PSG7: variants seen among roughly 807,000 people sequenced by gnomAD.
PSG7 encodes the protein pregnancy-specific beta-1-glycoprotein 7.
Under a neutral mutation model 45.6 loss-of-function variants are expected in PSG7, and 57 were observed. The observed-to-expected ratio is 1.25, with a 90% CI of 1.01 to 1.56. PSG7 has a LOEUF of 1.56. Ranked by LOEUF, PSG7 falls within the 40% of genes most tolerant of loss-of-function variation. The pLI, the probability that PSG7 is intolerant of heterozygous loss-of-function variation, is 0.00. For missense variants in PSG7, 796 were observed against 508.4 expected (o/e 1.57, Z -5.44); for synonymous variants, 298 against 194.4 (o/e 1.53, Z -4.43).
chr19:42,926,136 G>T, intron 4 of PSG7, 109 bp from the exon 5 acceptor site: 1 of 1,505,316 alleles, frequency 6.6e-7, no homozygotes, highest in South Asian at 1.3e-5. Context: ...ACCCTCAAGT[G>T]ACAGCCAAAT....
chr19:42,928,187 T>C (rs1409236139), intron 3 of PSG7, among the ~76,000 whole-genome samples: 1 of 151,648 alleles, frequency 6.6e-6, no homozygotes. Context: ...GAAAGGCTGA[T>C]TGCTATTTTC....
At chr19:42,929,906 G>A (rs1329444956) in intron 2 of PSG7, among the ~76,000 whole-genome samples, 186 bp from the exon 3 acceptor site, 4 of 151,550 alleles carry the variant, frequency 2.6e-5, no homozygotes, top group Non-Finnish European at 5.9e-5. Flanking sequence ...GAGGCTGCCT[G>A]CTTTATGTGG....
chr19:42,936,637 T>C (rs537911592), intron 1 of PSG7: 1 of 212,600 alleles, frequency 4.7e-6, no homozygotes, highest in Admixed American at 5.4e-5. Context: ...CCTTCTTTCC[T>C]TTTTTTTCTT....
At chr19:42,934,903 A>G (rs769926022) in intron 2 of PSG7, among the ~76,000 whole-genome samples, 1 of 151,696 alleles carries the variant, frequency 6.6e-6, no homozygotes, top group Non-Finnish European at 1.5e-5. Flanking sequence ...CACAGTCCTC[A>G]GACAGCTGGA....
intron 2 of PSG7, among the ~76,000 whole-genome samples, chr19:42,933,237 A>T (rs1176983387): frequency 8.3e-6 from 1 of 120,686 alleles, no homozygotes; most frequent in Non-Finnish European, 1.7e-5. Context: ...GAGTCATTAA[A>T]ATCATTCTTT....
chr19:42,925,153 G>T, intron 5 of PSG7: 1 of 403,442 alleles, frequency 2.5e-6, no homozygotes, highest in Non-Finnish European at 4.4e-6. Context: ...TGACTTCAGA[G>T]TTTGCCTGCA....
In PSG7 at chr19:42,929,647, G is replaced by C. The variant is rs377557265; in HGVS notation, c.504C>G (p.Thr168=). The change falls in exon 3 of 6, where the codon ACC becomes ACG. Residue 168 remains threonine (T), a synonymous_variant. Coordinates refer to ENST00000406070, the MANE Select transcript of PSG7 (RefSeq NM_002783.3). The part of the protein sequence containing the change: ...PREATEAVIL[T]CDPETPDASY... ...TTGCATCTGGAGTCTCAGGATCACA[G>C]GTTAAAATCACAGCCTCCGTGGCCT... is the stretch of plus-strand genomic sequence containing the variant. The C allele has an allele frequency of 4.3e-6, 7 of 1,612,436 alleles. No homozygotes were observed. The highest frequency in any genetic ancestry group is 1.3e-5 in the African/African-American group (1 of 74,646).
At chr19:42,934,498 CTCAA>C (rs1303747215) in intron 2 of PSG7, among the ~76,000 whole-genome samples, 1 of 151,600 alleles carries the variant, frequency 6.6e-6, no homozygotes, top group Non-Finnish European at 1.5e-5. Flanking sequence ...TCAGTTTTCT[CTCAA>C]TCAAATAAGC....
chr19:42,928,075 C>A (rs1270521179), intron 3 of PSG7, among the ~76,000 whole-genome samples: 1 of 151,180 alleles, frequency 6.6e-6, no homozygotes, highest in Admixed American at 6.6e-5. Flanking sequence ...TATTCTTGCC[C>A]TTTTTTTTCT....
At chr19:42,929,216 A>C (rs1353448099) in intron 3 of PSG7, 1 of 1,041,312 alleles carries the variant, frequency 9.6e-7, no homozygotes, top group Non-Finnish European at 1.4e-6. Context: ...CTTCCATCAC[A>C]AGCTGTGGAC....
chr19:42,925,409 C>A (rs909092043), intron 5 of PSG7: 3 of 452,134 alleles, frequency 6.6e-6, no homozygotes, highest in African/African-American at 2.0e-5. Context: ...GTTTATTGAA[C>A]CACTATAAGC....
intron 1 of PSG7, 146 bp from the exon 2 acceptor site, chr19:42,935,915 A>C (rs12972343): frequency 0.023 from 6,862 of 295,204 alleles, 111 homozygotes; most frequent in African/African-American, 0.11. Flanking sequence ...CACACACACA[A>C]ACACACACAC....
chr19:42,929,753 G>A, intron 2 of PSG7, 33 bp from the exon 3 acceptor site: 1 of 1,599,692 alleles, frequency 6.3e-7, no homozygotes, highest in Non-Finnish European at 8.5e-7. Context: ...ATTGCCCTGT[G>A]TGGCACCTTT....
chr19:42,926,381 G>T (rs549052058), intron 4 of PSG7, 57 bp downstream of exon 4: 4 of 1,600,172 alleles, frequency 2.5e-6, no homozygotes, highest in Non-Finnish European at 3.4e-6. Flanking sequence ...CTGGTCGTTT[G>T]GAGTTAAGCT....
chr19:42,926,293 G>T (rs10405156), intron 4 of PSG7, 145 bp downstream of exon 4: 3 of 1,494,456 alleles, frequency 2.0e-6, no homozygotes, highest in Non-Finnish European at 2.7e-6. Flanking sequence ...TCCCAGGGCA[G>T]GGAGTCATGG....
At chr19:42,929,810 C>G (rs1197076034) in intron 2 of PSG7, 90 bp from the exon 3 acceptor site, 5 of 1,507,156 alleles carry the variant, frequency 3.3e-6, no homozygotes, top group East Asian at 4.6e-5. Flanking sequence ...TTTCCAACCT[C>G]TCAGCCCACC....
rs144368724 is a variant in PSG7 at position 42,931,295 on chromosome 19, C to T, written c.431-1575G>A. On this transcript the variant is annotated intron_variant, in intron 2 of 5. Coordinates refer to ENST00000406070, the MANE Select transcript of PSG7 (RefSeq NM_002783.3). ...AGACGAAAATGAGGTTTAGGTGTGC[C>T]GTGAATTCCAGCAGGATCACATTAT... Among the ~76,000 whole-genome samples the T allele has an allele frequency of 5.2e-4, 79 of 151,460 alleles. 1 individual carries two copies. The highest frequency in any genetic ancestry group is 1.7e-3 in the African/African-American group (69 of 41,210).
chr19:42,925,764 TC>T lies in PSG7; in HGVS notation c.1243+8del, dbSNP rs1341125478. The T allele has an allele frequency of 2.5e-6, 4 of 1,611,822 alleles. No individual in the cohort carries two copies. The South Asian group carries it at 4.4e-5, about 18-fold the overall frequency. On this transcript the variant is annotated splice_region_variant and intron_variant, in intron 5 of 5. Coordinates refer to ENST00000406070, the MANE Select transcript of PSG7 (RefSeq NM_002783.3). ...AACCCTATTGCCAAGGATGCTGGGA[TC>T]CACTTACCAGAGACTCTGACTGTCA...
At chr19:42,925,613 A>C (rs1972863951) in intron 5 of PSG7, 160 bp downstream of exon 5, 1 of 1,487,002 alleles carries the variant, frequency 6.7e-7, no homozygotes. Flanking sequence ...AAAGTTTTCG[A>C]AGTTCTTAGA....
Sources: allele counts gnomAD v4.1 joint callset (sites outside exome capture counted in the v4.1 genomes callset), GRCh38; gene constraint gnomAD v4.1.1; transcripts MANE v1.5; gene names NCBI Gene and HGNC (gene_info 2026-07-23, HGNC 2026-07-21).